TAF2: variants seen among roughly 807,000 people sequenced by gnomAD.
TAF2 encodes the protein TATA-box binding protein associated factor 2.
TAF2 carries 61 observed loss-of-function variants against 138.5 expected under a neutral mutation model. The observed-to-expected ratio is 0.44, with a 90% confidence interval of 0.36 to 0.54. The LOEUF is 0.54. Among genes scored for constraint, TAF2 ranks in the 20% least tolerant of loss-of-function variants. The pLI is 0.00. For synonymous variants in TAF2, 475 were observed against 469.9 expected (o/e 1.01, Z -0.14); for missense variants, 1,090 against 1,427.9 (o/e 0.76, Z 3.81).
intron 21 of TAF2, among the ~76,000 whole-genome samples, chr8:119,757,586 ATTT>A (rs755457771): frequency 7.9e-5 from 11 of 139,328 alleles, no homozygotes; most frequent in Non-Finnish European, 7.9e-5. Context: ...TCTGCTAATA[ATTT>A]TTTTTTTTTT....
At chr8:119,824,258 A>T (rs1374666862) in intron 2 of TAF2, among the ~76,000 whole-genome samples, 1 of 151,800 alleles carries the variant, frequency 6.6e-6, no homozygotes, top group East Asian at 1.9e-4. Flanking sequence ...GTGAAACCCC[A>T]TCTCTACTAA....
At chr8:119,819,131 G>A (rs1825668467) in intron 3 of TAF2, among the ~76,000 whole-genome samples, 2 of 152,018 alleles carry the variant, frequency 1.3e-5, no homozygotes, top group Admixed American at 6.6e-5. Context: ...CTTCCTTAAA[G>A]TTTTAACATG....
At chr8:119,787,408 C>T (rs192151741) in intron 14 of TAF2, among the ~76,000 whole-genome samples, 6 of 150,858 alleles carry the variant, frequency 4.0e-5, no homozygotes, top group Admixed American at 1.3e-4. Context: ...AAAAACCCAA[C>T]CCCATCAAAA....
At chr8:119,822,309 T>C (rs1825847714) in intron 2 of TAF2, among the ~76,000 whole-genome samples, 2 of 151,712 alleles carry the variant, frequency 1.3e-5, no homozygotes, top group Non-Finnish European at 2.9e-5. Flanking sequence ...GCAGCCTCAA[T>C]CTTCCAGGCT....
chr8:119,733,142 G>T (rs939462896), intron 25 of TAF2, among the ~76,000 whole-genome samples: 1 of 152,098 alleles, frequency 6.6e-6, no homozygotes, highest in Non-Finnish European at 1.5e-5. Context: ...TATACCAAAG[G>T]ATGACTCTAT....
At chr8:119,769,040 C>T (rs1821643356) in intron 18 of TAF2, among the ~76,000 whole-genome samples, 1 of 152,196 alleles carries the variant, frequency 6.6e-6, no homozygotes. Context: ...CCTGCAGAGA[C>T]TTCAGTGCAT....
At chr8:119,766,274 A>G (rs1175098146) in intron 18 of TAF2, among the ~76,000 whole-genome samples, 1 of 152,168 alleles carries the variant, frequency 6.6e-6, no homozygotes, top group South Asian at 2.1e-4. Flanking sequence ...AGATTTCTGG[A>G]TATCATAACT....
intron 3 of TAF2, among the ~76,000 whole-genome samples, chr8:119,808,606 G>A (rs1267921944): frequency 6.6e-6 from 1 of 152,124 alleles, no homozygotes; most frequent in Non-Finnish European, 1.5e-5. Context: ...ACTATCTATG[G>A]CAACTATCGC....
chr8:119,778,686 T>G (rs1349840552), intron 17 of TAF2, among the ~76,000 whole-genome samples: 1 of 152,130 alleles, frequency 6.6e-6, no homozygotes, highest in Non-Finnish European at 1.5e-5. Flanking sequence ...CAACACCTAA[T>G]CCTCATGAAC....
chr8:119,801,709 T>C, intron 6 of TAF2, 85 bp downstream of exon 6: 1 of 1,336,634 alleles, frequency 7.5e-7, no homozygotes, highest in Non-Finnish European at 1.1e-6. Context: ...ATTACAGGCA[T>C]GAGCCACCGT....
chr8:119,810,881 C>T (rs1379197505), intron 3 of TAF2, among the ~76,000 whole-genome samples: 1 of 151,868 alleles, frequency 6.6e-6, no homozygotes, highest in Non-Finnish European at 1.5e-5. Context: ...TTCTCATTTC[C>T]TGAGAAAAGG....
At chr8:119,755,685 G>A (rs73702922) in intron 22 of TAF2, among the ~76,000 whole-genome samples, 164 of 152,124 alleles carry the variant, frequency 1.1e-3, no homozygotes, top group African/African-American at 3.8e-3. Context: ...AGGGAAAGAC[G>A]TGAGACTTAC....
chr8:119,812,733 GTGTGTGTGTGTGTGTGTGTA>G (rs1297105909), intron 3 of TAF2, among the ~76,000 whole-genome samples: 3 of 135,046 alleles, frequency 2.2e-5, no homozygotes, highest in Non-Finnish European at 4.8e-5. Flanking sequence ...GTGTGTGTGT[GTGTGTGTGTGTGTGTGTGTA>G]TATATGTGTG....
intron 6 of TAF2, among the ~76,000 whole-genome samples, chr8:119,799,664 C>T (rs563201410): frequency 2.0e-5 from 3 of 152,150 alleles, no homozygotes; most frequent in Admixed American, 1.3e-4. Context: ...TGGGTATATA[C>T]CCAGTAATGG....
rs766557710 is a variant in TAF2 at position 119,806,452 on chromosome 8, A to C, written c.300-51T>G. On this transcript the variant is annotated intron_variant, in intron 3 of 25. Coordinates refer to ENST00000378164, the MANE Select transcript of TAF2 (RefSeq NM_003184.4). ...TAATAATAAGCCATGTATCTTACCA[A>C]GCATTTTTCTTTCTTTCTTTTTTTT... 2.9e-6 allele frequency: 4 copies of C among 1,359,092 alleles called. No homozygotes were observed. The South Asian group carries it at 5.0e-5, about 17-fold the overall frequency. 84.2% of individuals were successfully genotyped at this position (1,359,092 alleles called of 1,614,324 possible).
chr8:119,732,293 T>TA, intron 25 of TAF2, 107 bp from the exon 26 acceptor site: 1 of 971,264 alleles, frequency 1.0e-6, no homozygotes, highest in Non-Finnish European at 1.6e-6. Context: ...CCTAAGTTTT[T>TA]ATCACTTCTA....
At chr8:119,788,220 C>A (rs1463319621) in intron 14 of TAF2, 118 bp downstream of exon 14, 5 of 853,402 alleles carry the variant, frequency 5.9e-6, no homozygotes, top group South Asian at 1.4e-5. Flanking sequence ...ACATGTATCC[C>A]ACAACTTAAA....
chr8:119,829,726 C>T (rs1563934851), intron 2 of TAF2, among the ~76,000 whole-genome samples: 1 of 151,942 alleles, frequency 6.6e-6, no homozygotes, highest in Non-Finnish European at 1.5e-5. Flanking sequence ...TCCTCAGGGA[C>T]AACACAGGTG....
chr8:119,824,962 A>G (rs1342396871), intron 2 of TAF2, among the ~76,000 whole-genome samples: 1 of 152,242 alleles, frequency 6.6e-6, no homozygotes, highest in African/African-American at 2.4e-5. Flanking sequence ...GAGCCCCCAC[A>G]CAGGGTCCCT....
Sources: allele counts gnomAD v4.1 joint callset (sites outside exome capture counted in the v4.1 genomes callset), GRCh38; gene constraint gnomAD v4.1.1; transcripts MANE v1.5; gene names NCBI Gene and HGNC (gene_info 2026-07-23, HGNC 2026-07-21).